The following HID1 variants were observed in gnomAD, a reference collection of about 807,000 sequenced individuals.
The protein encoded by HID1 is HID1 domain containing.
HID1 carries 42 observed loss-of-function variants against 89.7 expected under a neutral mutation model. The observed-to-expected ratio is 0.47, with a 90% CI of 0.37 to 0.61. HID1 has a LOEUF of 0.61. Among genes scored for constraint, HID1 ranks in the 20% least tolerant of loss-of-function variants. The probability of loss-of-function intolerance (pLI) is 0.00; values close to 1 mark genes in which losing one functional copy is unlikely to be tolerated. For synonymous variants in HID1, 442 were observed against 433.8 expected, an observed-to-expected ratio of 1.02 and a Z score of -0.24; for missense variants, 854 against 1,039.3, an observed-to-expected ratio of 0.82 and a Z score of 2.45.
rs779546960 is a variant in HID1 at position 74,953,634 on chromosome 17, C to G, written c.1882G>C (p.Glu628Gln). The G allele has an allele frequency of 1.9e-6, 3 of 1,613,974 alleles. No homozygotes were observed. Among genetic ancestry groups the G allele is most frequent in the Non-Finnish European group, 2.5e-6 (3 of 1,179,952 alleles). The change falls in exon 15 of 19, where the codon GAG becomes CAG. Residue 628 changes from glutamate to glutamine, a missense_variant. Glu to Gln is a conservative substitution (Grantham distance 29). Coordinates refer to ENST00000425042, the MANE Select transcript of HID1 (RefSeq NM_030630.3). Reference protein sequence around the residue: ...VATPGIDKLTEKSQVSEDGTL... With the variant: ...VATPGIDKLTQKSQVSEDGTL... ...CCATCCTCTGACACCTGGGACTTCT[C>G]GGTCAGCTTGTCAATGCCTGGGCAG...
chr17:74,957,857 G>A (rs551677390), intron 12 of HID1: 2 of 404,748 alleles, frequency 4.9e-6, no homozygotes, highest in South Asian at 2.4e-5. Context: ...CTGAGATGGT[G>A]CCACTGCACT....
intron 14 of HID1, 100 bp downstream of exon 14, chr17:74,954,038 G>T (rs2144800466): frequency 8.6e-7 from 1 of 1,157,772 alleles, no homozygotes; most frequent in African/African-American, 1.5e-5. Context: ...CCATACATAA[G>T]CCATGCTCTT....
chr17:74,966,389 A>C (rs1016259019), intron 1 of HID1, among the ~76,000 whole-genome samples: 2 of 150,246 alleles, frequency 1.3e-5, no homozygotes, highest in Non-Finnish European at 2.9e-5. Flanking sequence ...TTTCTGTAAG[A>C]GCACATGTTA....
chr17:74,952,983 C>T, intron 16 of HID1, 23 bp downstream of exon 16: 2 of 1,580,184 alleles, frequency 1.3e-6, no homozygotes, highest in South Asian at 2.3e-5. Context: ...CCCCCGCTCG[C>T]CTGGCACAGG....
intron 1 of HID1, among the ~76,000 whole-genome samples, chr17:74,965,543 G>C (rs929577811): frequency 1.3e-5 from 2 of 152,120 alleles, no homozygotes; most frequent in African/African-American, 4.8e-5. Flanking sequence ...CTTCACCCAA[G>C]CTGTTCTCTC....
chr17:74,962,961 T>A lies in HID1; in HGVS notation c.504+4A>T. The A allele has an allele frequency of 1.2e-6, 2 of 1,602,240 alleles. No homozygotes were observed. The highest frequency in any genetic ancestry group is 1.1e-5 in the South Asian group (1 of 90,486). On this transcript the variant is annotated splice_donor_region_variant and intron_variant, in intron 4 of 18. Transcript: ENST00000425042. The surrounding 1 kb of genome is among the most constrained non-coding windows in gnomAD (Gnocchi z 4.3). ...CTGGGGGTGGGGGGCTGGGGGACACTCACCACAGTGCTCCTCCGGTGGCTC... is the reference window on the plus strand; with the variant it reads ...CTGGGGGTGGGGGGCTGGGGGACACACACCACAGTGCTCCTCCGGTGGCTC...
intron 13 of HID1, 66 bp downstream of exon 13, chr17:74,955,726 C>T: frequency 1.3e-6 from 2 of 1,504,666 alleles, no homozygotes; most frequent in Admixed American, 1.9e-5. Context: ...TGGGCTGTGC[C>T]CCCCTTATGT....
rs1333980257 is a variant in HID1, at chr17:74,962,688, G to T, written c.504+277C>A. Among the ~76,000 whole-genome samples the T allele has an allele frequency of 6.6e-6, 1 of 152,100 alleles. No homozygotes were observed. The highest frequency in any genetic ancestry group is 1.5e-5 in the Non-Finnish European group (1 of 68,010). On this transcript the variant is annotated intron_variant, in intron 4 of 18. Transcript: ENST00000425042. This position sits in a 1 kb window ranked among gnomAD's most constrained non-coding sequence, Gnocchi z 4.3. ...GTCCATGCCACCACAGGAAGCAAGA[G>T]GGCCAGCCCTCCTGTGTCTGAGCCC...
At position 74,954,342 on chromosome 17, in the gene HID1, T is replaced by C; in HGVS notation, c.1660A>G (p.Ile554Val). 5 of 1,574,214 alleles carry C rather than the reference T, an allele frequency of 3.2e-6. No individual in the cohort carries two copies. Among genetic ancestry groups the C allele is most frequent in the Non-Finnish European group, 3.4e-6 (4 of 1,160,326 alleles). The change falls in exon 14 of 19, where the codon ATC (isoleucine) becomes GTC (valine). Residue 554 changes from isoleucine to valine, a missense_variant. Ile to Val is a conservative substitution (Grantham distance 29). Transcript: ENST00000425042. ...TGGAAGATGCTGCGCTTGCGGATGATGGCGTAGACCAGGTTGGAGTTGCCT... is the reference window on the plus strand; with the variant it reads ...TGGAAGATGCTGCGCTTGCGGATGACGGCGTAGACCAGGTTGGAGTTGCCT... ...FDGNSNLVYA[I>V]IRKRSIFHQL...
chr17:74,967,339 G>A (rs1455613585), intron 1 of HID1, among the ~76,000 whole-genome samples: 2 of 151,932 alleles, frequency 1.3e-5, no homozygotes, highest in East Asian at 3.9e-4. Flanking sequence ...AGGAGTTTGA[G>A]ACCAGCCTGG....
chr17:74,960,802 T>C (rs749728828), intron 6 of HID1, among the ~76,000 whole-genome samples: 2 of 152,294 alleles, frequency 1.3e-5, no homozygotes, highest in Middle Eastern at 3.4e-3. Flanking sequence ...GAATAAGGCG[T>C]GTCATGTAGG....
rs773788807 is a variant in HID1 at position 74,953,586 on chromosome 17, C to G, written c.1930G>C (p.Glu644Gln). The G allele has an allele frequency of 9.9e-6, 16 of 1,614,068 alleles. No homozygotes were observed. In the South Asian group the frequency reaches 1.8e-4, roughly 18 times the overall value. The change falls in exon 15 of 19, where the codon GAG becomes CAG. Residue 644 changes from glutamate to glutamine, a missense_variant. Glu to Gln is a conservative substitution (Grantham distance 29). Coordinates refer to ENST00000425042, the MANE Select transcript of HID1 (RefSeq NM_030630.3). ...CCATCCTCCAAGCTCTGCTGGGGCTCAGGTTCCAGGGACCGCAAGGTGCCA... is the reference window on the plus strand; with the variant it reads ...CCATCCTCCAAGCTCTGCTGGGGCTGAGGTTCCAGGGACCGCAAGGTGCCA... ...EDGTLRSLEP[E>Q]PQQSLEDGSP... is the part of the protein sequence containing the mutation.
At chr17:74,968,534 G>T (rs1259675621) in intron 1 of HID1, among the ~76,000 whole-genome samples, 1 of 152,202 alleles carries the variant, frequency 6.6e-6, no homozygotes, top group African/African-American at 2.4e-5. Context: ...TCCCAGAACT[G>T]GTAGAGCGAG....
rs766954930 is a variant in HID1 at position 74,958,715 on chromosome 17, C to T, written c.1198G>A (p.Val400Ile). ...LKSSDVLDIL[V>I]PILFFLNDAR... is the part of the protein sequence containing the mutation. ...TCGTTGAGGAAGAAGAGGATGGGGA[C>T]AAGGATGTCTAGGACGTCGCTGCTC... The change falls in exon 10 of 19, where the codon GTC (valine) becomes ATC (isoleucine). Residue 400 changes from valine (V) to isoleucine (I), a missense_variant. Transcript: ENST00000425042. This position sits in a 1 kb window ranked among gnomAD's most constrained non-coding sequence, Gnocchi z 5.2. 1 of 1,606,590 alleles carries T rather than the reference C, an allele frequency of 6.2e-7. No individual in the cohort carries two copies. Among genetic ancestry groups the T allele is most frequent in the Non-Finnish European group, 8.5e-7 (1 of 1,178,850 alleles).
Position 74,955,967 on chromosome 17 carries a change from G to A in HID1, c.1472-11C>T, listed in dbSNP as rs1163361889. On this transcript the variant is annotated splice_polypyrimidine_tract_variant and intron_variant, in intron 12 of 18. Coordinates refer to ENST00000425042, the MANE Select transcript of HID1 (RefSeq NM_030630.3). ...TGAGGTAGGGGGACACTGTAAGGGA[G>A]GGGTCAGCTCACTCCTGGGCCCCTC... is the stretch of plus-strand genomic sequence containing the variant. 3 of 1,612,648 alleles carry A rather than the reference G, an allele frequency of 1.9e-6. No homozygotes were observed. The highest frequency in any genetic ancestry group is 2.5e-6 in the Non-Finnish European group (3 of 1,179,498).
In HID1 at chr17:74,955,901, C is replaced by G. The variant is rs1442556498; in HGVS notation, c.1527G>C (p.Leu509=). The G allele has an allele frequency of 1.9e-6, 3 of 1,614,156 alleles. No individual in the cohort carries two copies. The East Asian group carries it at 6.7e-5, about 36-fold the overall frequency. The part of the protein sequence containing the change: ...SMVTANKLLH[L]LEAFSTTWFL... The stretch of plus-strand genomic sequence containing the variant: ...ACCAGGTGGTGGAGAAGGCCTCCAG[C>G]AGGTGCAGCAACTTGTTGGCAGTCA... Residue 509 remains leucine, a synonymous_variant, in exon 13 of 19, where the codon CTG becomes CTC. Coordinates refer to ENST00000425042, the MANE Select transcript of HID1 (RefSeq NM_030630.3).
rs753682477 is a variant in HID1 at position 74,958,222 on chromosome 17, G to C, written c.1393-3C>G. On this transcript the variant is annotated splice_region_variant and splice_polypyrimidine_tract_variant and intron_variant, in intron 11 of 18. Coordinates refer to ENST00000425042, the MANE Select transcript of HID1 (RefSeq NM_030630.3). This position sits in a 1 kb window ranked among gnomAD's most constrained non-coding sequence, Gnocchi z 5.2. ...CTGGTGATGATCTTGTGGAACACCT[G>C]TGCCAGGAGGGACAGAGGCACCGTG... 1.9e-6 allele frequency: 3 copies of C among 1,609,972 alleles called. No individual in the cohort carries two copies. The highest frequency in any genetic ancestry group is 2.5e-6 in the Non-Finnish European group (3 of 1,178,356).
chr17:74,962,903 C>A lies in HID1; in HGVS notation c.504+62G>T. On this transcript the variant is annotated intron_variant, in intron 4 of 18. Coordinates refer to ENST00000425042, the MANE Select transcript of HID1 (RefSeq NM_030630.3). The surrounding 1 kb of genome is among the most constrained non-coding windows in gnomAD (Gnocchi z 4.3). ...TCCGCCCAAGGGAACTTCAACTGGC[C>A]CGGCCCCAACCCAGGACCAGAGCCT... 7.9e-7 allele frequency: 1 copy of A among 1,270,470 alleles called. No homozygotes were observed. Among genetic ancestry groups the A allele is most frequent in the Admixed American group, 1.9e-5 (1 of 52,280 alleles). 78.7% of individuals were successfully genotyped at this position (1,270,470 alleles called of 1,614,324 possible).
In HID1 at chr17:74,958,421, C is replaced by A; in HGVS notation, c.1298G>T (p.Arg433Leu). ...VFILLLLSGERNFGVRLNKPY... is the reference protein window; with the variant it reads ...VFILLLLSGELNFGVRLNKPY... ...TTTGTTCAGCCGCACCCCGAAGTTC[C>A]GCTCCCCGCTCAGAAGCAGCAAGAT... Residue 433 changes from arginine (R) to leucine (L), a missense_variant, in exon 11 of 19, where the codon CGG (arginine) becomes CTG (leucine). By Grantham distance (102) the Arg-to-Leu change is moderately radical. Transcript: ENST00000425042. The surrounding 1 kb of genome is among the most constrained non-coding windows in gnomAD (Gnocchi z 5.2). 6.2e-7 allele frequency: 1 copy of A among 1,604,988 alleles called. No homozygotes were observed. Among genetic ancestry groups the A allele is most frequent in the Admixed American group, 1.7e-5 (1 of 58,590 alleles).
Sources: allele counts gnomAD v4.1 joint callset (sites outside exome capture counted in the v4.1 genomes callset), GRCh38; gene constraint gnomAD v4.1.1; non-coding constraint Gnocchi (gnomAD v3.1); transcripts MANE v1.5; gene names NCBI Gene and HGNC (gene_info 2026-07-23, HGNC 2026-07-21).